Variants in FRK observed in about 807,000 individuals in gnomAD.
FRK encodes the protein tyrosine-protein kinase FRK.
A neutral mutation model predicts 56.4 loss-of-function variants in FRK; 51 were observed. The ratio of observed to expected loss-of-function variants is 0.90; its 90% CI spans 0.72 to 1.14. The LOEUF is 1.14. Among genes scored for constraint, FRK ranks in the 50% most tolerant of loss-of-function variants. The probability of loss-of-function intolerance (pLI) is 0.00; values close to 1 mark genes in which losing one functional copy is unlikely to be tolerated. For synonymous variants in FRK, 245 were observed against 217.9 expected (o/e 1.12, Z -1.10); for missense variants, 570 against 601.4 (o/e 0.95, Z 0.55).
intron 1 of FRK, among the ~76,000 whole-genome samples, chr6:116,029,752 T>C (rs893853579): frequency 3.3e-5 from 5 of 152,126 alleles, no homozygotes; most frequent in African/African-American, 9.7e-5. Flanking sequence ...TGAGGTCAAA[T>C]TAGCAAGCCA....
At chr6:116,040,056 A>G (rs1776655482) in intron 1 of FRK, among the ~76,000 whole-genome samples, 1 of 152,208 alleles carries the variant, frequency 6.6e-6, no homozygotes, top group Admixed American at 6.5e-5. Context: ...CATGATCTAC[A>G]TATTAAGGAT....
At chr6:116,023,974 A>G (rs1433532629) in intron 1 of FRK, among the ~76,000 whole-genome samples, 1 of 150,760 alleles carries the variant, frequency 6.6e-6, no homozygotes, top group African/African-American at 2.4e-5. Context: ...TTGGCTTTTG[A>G]AAAAAAAATA....
intron 5 of FRK, among the ~76,000 whole-genome samples, chr6:115,950,897 T>C (rs1772717306): frequency 6.6e-6 from 1 of 152,194 alleles, no homozygotes; most frequent in Non-Finnish European, 1.5e-5. Context: ...GAAACCATCA[T>C]TCTCAGCAAA....
At chr6:115,977,939 A>G (rs966278289) in intron 2 of FRK, among the ~76,000 whole-genome samples, 2 of 152,216 alleles carry the variant, frequency 1.3e-5, no homozygotes, top group African/African-American at 2.4e-5. Flanking sequence ...TTAACAATAT[A>G]TAATTGTAAC....
In FRK at chr6:115,937,237, G is replaced by A. The variant is rs951559035; in HGVS notation, c.*5177C>T. 6.6e-6 allele frequency: 1 copy of A among 152,084 alleles called. No individual in the cohort carries two copies. The highest frequency in any genetic ancestry group is 1.5e-5 in the Non-Finnish European group (1 of 68,020). 9.4% of individuals were successfully genotyped at this position (152,084 alleles called of 1,614,324 possible). ...TATCCAACCAAACTCAGTTTCATAA[G>A]CGAAGGAGAAATAAAATCCTTTACA... On this transcript the variant is annotated 3_prime_UTR_variant, in exon 8 of 8. Coordinates refer to ENST00000606080, the MANE Select transcript of FRK (RefSeq NM_002031.3).
At chr6:116,012,714 T>C (rs1044342645) in intron 1 of FRK, among the ~76,000 whole-genome samples, 3 of 152,212 alleles carry the variant, frequency 2.0e-5, no homozygotes, top group Non-Finnish European at 4.4e-5. Flanking sequence ...GAACTTTAGA[T>C]AATGCCTGTG....
Position 116,060,734 on chromosome 6 carries a change from A to C in FRK, c.-423T>G, listed in dbSNP as rs1582772773. Reference sequence around the variant, plus strand: ...GAGGAAGCTACTAACCCCTGGTAAAACCTCCACGTCTTGCTTTCGCCAGGA... The same window carrying C: ...GAGGAAGCTACTAACCCCTGGTAAACCCTCCACGTCTTGCTTTCGCCAGGA... On this transcript the variant is annotated 5_prime_UTR_variant, in exon 1 of 8. Transcript: ENST00000606080. 1 of 160,136 alleles carries C rather than the reference A, an allele frequency of 6.2e-6. No individual in the cohort carries two copies. Among genetic ancestry groups the C allele is most frequent in the Non-Finnish European group, 1.4e-5 (1 of 73,046 alleles). 9.9% of individuals were successfully genotyped at this position (160,136 alleles called of 1,614,324 possible). A position where few individuals can be genotyped will look rare whatever the true frequency, so the allele number is the denominator to read the frequency against.
rs573826890 is a variant in FRK at position 115,993,442 on chromosome 6, C to T, written c.466+10435G>A. ...TGTTCACAGAATTTTTTTCATTTTT[C>T]CTTGATATTATAATATCTTGAAAAG... On this transcript the variant is annotated intron_variant, in intron 2 of 7. Coordinates refer to ENST00000606080, the MANE Select transcript of FRK (RefSeq NM_002031.3). Among the ~76,000 whole-genome samples, 153 of 151,316 alleles carry T rather than the reference C, an allele frequency of 1.0e-3. 1 individual carries two copies. The highest frequency in any genetic ancestry group is 3.6e-3 in the African/African-American group (147 of 41,348).
chr6:116,033,776 T>C (rs1216646613), intron 1 of FRK, among the ~76,000 whole-genome samples: 1 of 152,078 alleles, frequency 6.6e-6, no homozygotes, highest in Admixed American at 6.6e-5. Context: ...TTTTTGGCAT[T>C]TTAATGGGGT....
At position 116,038,941 on chromosome 6, in the gene FRK, C is replaced by T. The variant is rs192274444; in HGVS notation, c.344+21027G>A. On this transcript the variant is annotated intron_variant, in intron 1 of 7. Transcript: ENST00000606080. ...CTAGAGCCCAAGATTGCTGTGGCTG[C>T]GCAGAACTGCTACAAAGTAACTAAC... 2.3e-5 allele frequency: 15 copies of T among 654,978 alleles called. No homozygotes were observed. The East Asian group carries it at 3.6e-4, about 16-fold the overall frequency. 40.6% of individuals were successfully genotyped at this position (654,978 alleles called of 1,614,324 possible). A position where few individuals can be genotyped will look rare whatever the true frequency, so the allele number is the denominator to read the frequency against.
intron 5 of FRK, among the ~76,000 whole-genome samples, chr6:115,947,243 C>G (rs749632147): frequency 4.0e-5 from 6 of 150,366 alleles, no homozygotes; most frequent in Non-Finnish European, 7.4e-5. Flanking sequence ...TATGTGTTTT[C>G]TATATATATG....
chr6:115,937,509 C>T lies in FRK; in HGVS notation c.*4905G>A, dbSNP rs1005149868. On this transcript the variant is annotated 3_prime_UTR_variant, in exon 8 of 8. Transcript: ENST00000606080. ...TTAAATGTAAACAGGCTGAATGCCC[C>T]AAGTAAAAGACAGAATGGCAAATTG... 1 of 152,082 alleles carries T rather than the reference C, an allele frequency of 6.6e-6. No homozygotes were observed. The highest frequency in any genetic ancestry group is 1.5e-5 in the Non-Finnish European group (1 of 68,030). The allele number at this position is 152,082 out of a possible 1,614,324, so 9.4% of individuals were successfully genotyped here. A position where few individuals can be genotyped will look rare whatever the true frequency, so the allele number is the denominator to read the frequency against.
At chr6:116,010,044 G>A (rs1431316835) in intron 1 of FRK, among the ~76,000 whole-genome samples, 1 of 152,018 alleles carries the variant, frequency 6.6e-6, no homozygotes, top group Admixed American at 6.6e-5. Flanking sequence ...TGGCTAACAC[G>A]GTGAAACCCC....
chr6:115,960,074 A>G (rs961322520), intron 4 of FRK, among the ~76,000 whole-genome samples: 2 of 152,156 alleles, frequency 1.3e-5, no homozygotes, highest in Non-Finnish European at 2.9e-5. Flanking sequence ...GCTCCTGTCT[A>G]CAGCTCCCAG....
chr6:116,066,770 A>G, the FRK span, among the ~76,000 whole-genome samples: 3 of 152,088 alleles, frequency 2.0e-5, no homozygotes, highest in Non-Finnish European at 2.9e-5. Context: ...CTTTCTCACT[A>G]TTCTTCTAAT....
At chr6:116,012,282 T>C (rs1775502656) in intron 1 of FRK, among the ~76,000 whole-genome samples, 1 of 152,152 alleles carries the variant, frequency 6.6e-6, no homozygotes, top group Non-Finnish European at 1.5e-5. Context: ...AAAACCTCTA[T>C]TAACCTGGAA....
At chr6:116,098,744 T>C in the FRK span, among the ~76,000 whole-genome samples, 1 of 152,198 alleles carries the variant, frequency 6.6e-6, no homozygotes, top group Non-Finnish European at 1.5e-5. Flanking sequence ...AAGTTTAATG[T>C]GCAGGGAAAA....
At chr6:116,071,609 T>A in the FRK span, among the ~76,000 whole-genome samples, 1 of 152,144 alleles carries the variant, frequency 6.6e-6, no homozygotes, top group African/African-American at 2.4e-5. Flanking sequence ...AAAAAAAGAT[T>A]AAACCACATG....
intron 4 of FRK, among the ~76,000 whole-genome samples, chr6:115,959,975 A>C (rs977109138): frequency 3.0e-4 from 46 of 151,986 alleles, no homozygotes; most frequent in Admixed American, 2.1e-3. Flanking sequence ...AAAAAAAAAA[A>C]CTAACAGTTA....
Sources: gnomAD v4.1 joint callset for allele counts (sites outside exome capture counted in the v4.1 genomes callset) on GRCh38, gnomAD v4.1.1 for gene constraint, MANE v1.5 for transcripts, NCBI Gene and HGNC (gene_info 2026-07-23, HGNC 2026-07-21) for gene names.